Variants in ULK4 observed in about 807,000 individuals in gnomAD.
ULK4 encodes the protein inactive serine/threonine-protein kinase ULK4.
ULK4 carries 133 observed loss-of-function variants against 160.6 expected under a neutral mutation model. That is an observed-to-expected ratio of 0.83 (90% CI 0.72 to 0.96). ULK4 has a LOEUF of 0.96. Ranked by LOEUF, ULK4 falls within the 40% of genes least tolerant of loss-of-function variation. The pLI is 0.00. For missense variants in ULK4, 1,580 were observed against 1,499.5 expected, an observed-to-expected ratio of 1.05 and a Z score of -0.89; for synonymous variants, 534 against 539.8, an observed-to-expected ratio of 0.99 and a Z score of 0.15.
intron 34 of ULK4, among the ~76,000 whole-genome samples, chr3:41,441,728 A>G (rs1252873350): frequency 6.6e-6 from 1 of 152,074 alleles, no homozygotes; most frequent in Non-Finnish European, 1.5e-5. Context: ...GTGTTGCTCA[A>G]GGCTACCATT....
At chr3:41,518,864 C>T in intron 32 of ULK4, among the ~76,000 whole-genome samples, 1 of 152,224 alleles carries the variant, frequency 6.6e-6, no homozygotes, top group East Asian at 1.9e-4. Context: ...TATGTTTCAG[C>T]ACACTATGAA....
intron 31 of ULK4, among the ~76,000 whole-genome samples, chr3:41,574,091 A>G (rs1172955749): frequency 1.3e-5 from 2 of 152,138 alleles, no homozygotes; most frequent in Non-Finnish European, 2.9e-5. Context: ...CTGAGGCAGA[A>G]TTGCTTGACC....
intron 1 of ULK4, among the ~76,000 whole-genome samples, chr3:41,961,288 C>T (rs1700657204): frequency 6.6e-6 from 1 of 152,170 alleles, no homozygotes; most frequent in Non-Finnish European, 1.5e-5. Context: ...ATGAGCATCA[C>T]CTGGGACTTA....
intron 35 of ULK4, among the ~76,000 whole-genome samples, chr3:41,323,233 G>A (rs78325769): frequency 0.035 from 5,275 of 151,934 alleles, 226 homozygotes; most frequent in East Asian, 0.18. Context: ...CACCATGCCC[G>A]GCCATTCTTT....
At chr3:41,514,427 G>C (rs1638912502) in intron 32 of ULK4, among the ~76,000 whole-genome samples, 1 of 152,218 alleles carries the variant, frequency 6.6e-6, no homozygotes, top group Non-Finnish European at 1.5e-5. Context: ...TTCAGGCCCA[G>C]CAAAGGACTC....
intron 30 of ULK4, among the ~76,000 whole-genome samples, chr3:41,646,042 C>T (rs185091049): frequency 0.024 from 3,587 of 152,082 alleles, 61 homozygotes; most frequent in Non-Finnish European, 0.036. Flanking sequence ...TTCCATTTGC[C>T]TGGTAGATCT....
At chr3:41,381,531 T>C (rs182390423) in intron 35 of ULK4, among the ~76,000 whole-genome samples, 3 of 152,304 alleles carry the variant, frequency 2.0e-5, no homozygotes, top group Admixed American at 2.0e-4. Context: ...GCCATCTCAG[T>C]GTTGTCTTAG....
chr3:41,270,840 T>C (rs2079126731), intron 35 of ULK4, among the ~76,000 whole-genome samples: 1 of 152,218 alleles, frequency 6.6e-6, no homozygotes, highest in Non-Finnish European at 1.5e-5. Context: ...GAGTACATTT[T>C]TTACTTCTGT....
chr3:41,569,485 C>T (rs1303938380), intron 31 of ULK4, among the ~76,000 whole-genome samples: 1 of 152,128 alleles, frequency 6.6e-6, no homozygotes, highest in Non-Finnish European at 1.5e-5. Flanking sequence ...TTCACAGTAT[C>T]ATACCAGTGG....
intron 34 of ULK4, among the ~76,000 whole-genome samples, chr3:41,430,630 A>G (rs1414719602): frequency 6.6e-6 from 1 of 152,258 alleles, no homozygotes; most frequent in African/African-American, 2.4e-5. Flanking sequence ...AAGAGAGTTT[A>G]TTACAATAAG....
At chr3:41,587,943 T>C (rs945879795) in intron 31 of ULK4, among the ~76,000 whole-genome samples, 3 of 152,222 alleles carry the variant, frequency 2.0e-5, no homozygotes, top group African/African-American at 7.2e-5. Flanking sequence ...CAGATGACAA[T>C]ATATGATGAA....
chr3:41,772,297 G>T (rs895585186), intron 21 of ULK4, among the ~76,000 whole-genome samples: 44 of 152,080 alleles, frequency 2.9e-4, no homozygotes, highest in African/African-American at 1.0e-3. Flanking sequence ...TTTTTGAAAA[G>T]ATCAACAAAA....
chr3:41,535,907 C>A (rs1029149828), intron 32 of ULK4, among the ~76,000 whole-genome samples: 2 of 152,244 alleles, frequency 1.3e-5, no homozygotes, highest in East Asian at 1.9e-4. Flanking sequence ...CCTTGCCCCA[C>A]CAGATTCACA....
intron 33 of ULK4, among the ~76,000 whole-genome samples, chr3:41,457,480 G>C (rs887438907): frequency 6.6e-6 from 1 of 152,156 alleles, no homozygotes. Flanking sequence ...ACAACAGAGA[G>C]GTGGCACAAA....
rs192012057 is a variant in ULK4, at chr3:41,560,657, C to T, written c.3226+5368G>A. On this transcript the variant is annotated intron_variant, in intron 32 of 36. Transcript: ENST00000301831. ...ATGGGAGTTCACTTATGATTTGGTTCTCTGTTTGTCTGTTATTGGTGTATA... is the reference window on the plus strand; with the variant it reads ...ATGGGAGTTCACTTATGATTTGGTTTTCTGTTTGTCTGTTATTGGTGTATA... Among the ~76,000 whole-genome samples the T allele has an allele frequency of 2.6e-3, 395 of 152,242 alleles. 1 individual carries two copies. Among genetic ancestry groups the T allele is most frequent in the African/African-American group, 8.6e-3 (358 of 41,548 alleles).
chr3:41,499,747 T>C (rs1176880021), intron 32 of ULK4, among the ~76,000 whole-genome samples: 1 of 152,172 alleles, frequency 6.6e-6, no homozygotes, highest in Non-Finnish European at 1.5e-5. Flanking sequence ...TATGGCACAT[T>C]GGGGTTAAAA....
chr3:41,704,317 CA>C (rs1297907147), intron 27 of ULK4, among the ~76,000 whole-genome samples: 2 of 152,200 alleles, frequency 1.3e-5, no homozygotes, highest in East Asian at 3.9e-4. Context: ...GTGAGAGGGG[CA>C]GGGGTGGGAG....
At chr3:41,597,089 G>C (rs1007983752) in intron 31 of ULK4, among the ~76,000 whole-genome samples, 1 of 152,132 alleles carries the variant, frequency 6.6e-6, no homozygotes, top group Non-Finnish European at 1.5e-5. Context: ...TCCCCTCTCA[G>C]GAGTCATAAG....
intron 30 of ULK4, among the ~76,000 whole-genome samples, chr3:41,636,397 GGTGTCAC>G: frequency 6.6e-6 from 1 of 152,120 alleles, no homozygotes; most frequent in South Asian, 2.1e-4. Flanking sequence ...TAGGTGGTAT[GGTGTCAC>G]ACACCTGAAG....
Sources: allele counts gnomAD v4.1 joint callset (sites outside exome capture counted in the v4.1 genomes callset), GRCh38; gene constraint gnomAD v4.1.1; transcripts MANE v1.5; gene names NCBI Gene and HGNC (gene_info 2026-07-23, HGNC 2026-07-21).